The following TJP1 variants were observed in gnomAD, a reference collection of about 807,000 sequenced individuals.
The protein encoded by TJP1 is tight junction protein 1.
TJP1 carries 43 observed loss-of-function variants against 194.2 expected under a neutral mutation model. That is an observed-to-expected ratio of 0.22 (90% CI 0.17 to 0.29). The LOEUF is 0.29. Ranked by LOEUF, TJP1 falls within the 10% of genes least tolerant of loss-of-function variation. The pLI is 1.00. For synonymous variants in TJP1, 801 were observed against 779.0 expected (o/e 1.03, Z -0.47); for missense variants, 1,971 against 2,185.7 (o/e 0.90, Z 1.96).
In TJP1 at chr15:29,720,548, A is replaced by C; in HGVS notation, c.2573T>G (p.Leu858Arg). The C allele has an allele frequency of 6.2e-7, 1 of 1,614,080 alleles. No individual in the cohort carries two copies. Among genetic ancestry groups the C allele is most frequent in the Non-Finnish European group, 8.5e-7 (1 of 1,180,024 alleles). ...TEGGAYTDQELDETLNDEVGT... is the reference protein window; with the variant it reads ...TEGGAYTDQERDETLNDEVGT... ...AACCTCATCATTAAGAGTTTCATCT[A>C]GTTCTTGATCAGTGTAGGCCCCGCC... Residue 858 changes from leucine to arginine, a missense_variant, in exon 19 of 28, where the codon CTA becomes CGA. Around this residue, in one of 5 missense-constraint regions of TJP1, gnomAD observed 1,108 missense variants for 1,128.5 expected, o/e 0.98. Coordinates refer to ENST00000614355, the MANE Select transcript of TJP1 (RefSeq NM_001330239.4).
chr15:29,720,538 A>C lies in TJP1; in HGVS notation c.2583T>G (p.Thr861=), dbSNP rs1308026570. Residue 861 remains threonine (T), a synonymous_variant, in exon 19 of 28, where the codon ACT becomes ACG. Coordinates refer to ENST00000614355, the MANE Select transcript of TJP1 (RefSeq NM_001330239.4). ...GTGGAGTCCCAACCTCATCATTAAG[A>C]GTTTCATCTAGTTCTTGATCAGTGT... ...GAYTDQELDE[T]LNDEVGTPPE... is the part of the protein sequence containing the mutation. 6.2e-7 allele frequency: 1 copy of C among 1,613,904 alleles called. No homozygotes were observed. The highest frequency in any genetic ancestry group is 1.3e-5 in the African/African-American group (1 of 74,866).
At chr15:29,789,413 A>T (rs1736603613) in intron 2 of TJP1, among the ~76,000 whole-genome samples, 1 of 152,180 alleles carries the variant, frequency 6.6e-6, no homozygotes, top group Admixed American at 6.5e-5. Context: ...CAGTAGAGAG[A>T]TCAGAATCCA....
At position 29,732,647 on chromosome 15, in the gene TJP1, T is replaced by A. The variant is rs1205637467; in HGVS notation, c.1905A>T (p.Arg635Ser). Reference protein sequence around the residue: ...PVQTKFPAYERVVLREAGFLR... With the variant: ...PVQTKFPAYESVVLREAGFLR... ...ATAAACTACCTTCTCGAAGAACCAC[T>A]CTTTCATAAGCTGGAAACTTTGTTT... Residue 635 changes from arginine to serine, a missense_variant, in exon 14 of 28, where the codon AGA becomes AGT. By Grantham distance (110) the Arg-to-Ser change is moderately radical. This residue lies in a region of TJP1 where 402 missense variants were observed against 484.2 expected (regional missense o/e 0.83). Coordinates refer to ENST00000614355, the MANE Select transcript of TJP1 (RefSeq NM_001330239.4). 3.7e-6 allele frequency: 6 copies of A among 1,614,088 alleles called. No homozygotes were observed. Among genetic ancestry groups the A allele is most frequent in the Non-Finnish European group, 4.2e-6 (5 of 1,180,002 alleles).
At chr15:29,966,870 A>G (rs531169696) in intron 1 of TJP1, among the ~76,000 whole-genome samples, 2 of 152,180 alleles carry the variant, frequency 1.3e-5, no homozygotes, top group Non-Finnish European at 2.9e-5. Context: ...CAATCTGAGA[A>G]GCGATCTTCA....
chr15:29,808,385 A>G (rs1453199603), intron 1 of TJP1, among the ~76,000 whole-genome samples: 2 of 152,244 alleles, frequency 1.3e-5, no homozygotes, highest in Non-Finnish European at 2.9e-5. Flanking sequence ...TTCGGGACGT[A>G]AAGTAAATGT....
intron 2 of TJP1, among the ~76,000 whole-genome samples, chr15:29,867,559 G>A (rs1007931422): frequency 2.9e-4 from 44 of 152,208 alleles, no homozygotes; most frequent in African/African-American, 9.9e-4. Flanking sequence ...CCTTGGGTGT[G>A]TATATTCCCT....
intron 2 of TJP1, among the ~76,000 whole-genome samples, chr15:29,833,095 G>A (rs543088229): frequency 6.6e-6 from 1 of 152,138 alleles, no homozygotes; most frequent in African/African-American, 2.4e-5. Context: ...GTTGGATCCA[G>A]GTATAAGGAT....
At chr15:29,963,085 G>C (rs1261826348) in intron 1 of TJP1, among the ~76,000 whole-genome samples, 1 of 152,194 alleles carries the variant, frequency 6.6e-6, no homozygotes, top group Non-Finnish European at 1.5e-5. Flanking sequence ...AGGTTGCAGT[G>C]AGCTGAGATC....
chr15:29,938,852 A>G (rs2054971029), intron 2 of TJP1, among the ~76,000 whole-genome samples: 1 of 152,226 alleles, frequency 6.6e-6, no homozygotes, highest in Admixed American at 6.5e-5. Context: ...AGACCCAAAC[A>G]GGACTTGGCA....
chr15:29,902,509 T>C (rs2053665357), intron 2 of TJP1, among the ~76,000 whole-genome samples: 2 of 152,184 alleles, frequency 1.3e-5, no homozygotes, highest in Non-Finnish European at 2.9e-5. Context: ...AAAAACACCT[T>C]TAAAAATGAA....
intron 2 of TJP1, among the ~76,000 whole-genome samples, chr15:29,860,000 C>G (rs1270825605): frequency 6.6e-6 from 1 of 151,988 alleles, no homozygotes; most frequent in Non-Finnish European, 1.5e-5. Flanking sequence ...CTCTGAGGAA[C>G]CGGGTTCAAA....
chr15:29,774,999 A>G (rs540594835), intron 2 of TJP1, among the ~76,000 whole-genome samples: 2 of 151,846 alleles, frequency 1.3e-5, no homozygotes, highest in East Asian at 3.9e-4. Flanking sequence ...CTTCAGAAAT[A>G]AACAATTGGT....
At chr15:29,843,835 G>A (rs562514947) in intron 2 of TJP1, among the ~76,000 whole-genome samples, 3 of 152,274 alleles carry the variant, frequency 2.0e-5, no homozygotes, top group Admixed American at 2.0e-4. Flanking sequence ...GTGTGGGTGT[G>A]TGGGCTGGAA....
At chr15:29,740,883 G>C (rs2044368636) in intron 10 of TJP1, 2 of 156,174 alleles carry the variant, frequency 1.3e-5, no homozygotes, top group Admixed American at 1.3e-4. Context: ...ACAACTAGGG[G>C]ACTGCTACTG....
intron 1 of TJP1, among the ~76,000 whole-genome samples, chr15:29,812,420 C>T (rs1043755601): frequency 1.2e-4 from 18 of 152,174 alleles, no homozygotes; most frequent in Admixed American, 6.5e-5. Flanking sequence ...TTTGCAACCT[C>T]TTGAAAAACT....
At chr15:29,942,815 CG>C (rs897138843) in intron 2 of TJP1, among the ~76,000 whole-genome samples, 3 of 152,100 alleles carry the variant, frequency 2.0e-5, no homozygotes, top group Non-Finnish European at 4.4e-5. Context: ...AGGGCAGGCC[CG>C]GGGGGACCTG....
intron 2 of TJP1, among the ~76,000 whole-genome samples, chr15:29,914,170 T>C (rs537811735): frequency 6.6e-6 from 1 of 152,338 alleles, no homozygotes; most frequent in Non-Finnish European, 1.5e-5. Flanking sequence ...TTGAGGATTT[T>C]TGTAAGTTAG....
chr15:29,827,472 A>G (rs187088991), upstream of TJP1, among the ~76,000 whole-genome samples: 120 of 152,126 alleles, frequency 7.9e-4, 1 homozygote, highest in East Asian at 0.021. Context: ...TGGGGATGGG[A>G]TCCTCTCCCT....
chr15:29,815,647 TC>T (rs777247439), intron 1 of TJP1, among the ~76,000 whole-genome samples: 7 of 152,234 alleles, frequency 4.6e-5, no homozygotes, highest in Non-Finnish European at 1.0e-4. Context: ...GGACTCATGG[TC>T]TTTCAGTAAG....
Sources: gnomAD v4.1 joint callset for allele counts (sites outside exome capture counted in the v4.1 genomes callset) on GRCh38, gnomAD v4.1.1 for gene constraint, gnomAD v4.1.1 regional missense constraint, MANE v1.5 for transcripts, NCBI Gene and HGNC (gene_info 2026-07-23, HGNC 2026-07-21) for gene names.